ALDH1A1: variants seen among roughly 807,000 people sequenced by gnomAD.
The protein encoded by ALDH1A1 is aldehyde dehydrogenase 1A1.
A neutral mutation model predicts 62.1 loss-of-function variants in ALDH1A1; 19 were observed. The observed-to-expected ratio is 0.31, with a 90% CI of 0.21 to 0.45. The LOEUF (loss-of-function observed/expected upper bound fraction) is 0.45. Among genes scored for constraint, ALDH1A1 ranks in the 20% least tolerant of loss-of-function variants. The pLI is 1.00. For missense variants in ALDH1A1, 521 were observed against 607.1 expected, an observed-to-expected ratio of 0.86 and a Z score of 1.49; for synonymous variants, 231 against 215.9, an observed-to-expected ratio of 1.07 and a Z score of -0.61.
At chr9:72,934,618 C>T (rs187908070) in intron 2 of ALDH1A1, among the ~76,000 whole-genome samples, 3 of 152,258 alleles carry the variant, frequency 2.0e-5, no homozygotes, top group African/African-American at 2.4e-5. Flanking sequence ...TACTCCCTTA[C>T]TTTCTAAATC....
chr9:72,918,775 C>T lies in ALDH1A1; in HGVS notation c.795G>A (p.Arg265=), dbSNP rs780724154. 5.6e-6 allele frequency: 9 copies of T among 1,613,772 alleles called. No individual in the cohort carries two copies. Among genetic ancestry groups the T allele is most frequent in the Non-Finnish European group, 7.6e-6 (9 of 1,179,942 alleles). The change falls in exon 8 of 13, where the codon AGG becomes AGA. Residue 265 remains arginine, a synonymous_variant. Transcript: ENST00000297785. ...TCTTTCCTCCAAGCTCCAGGGTCACCCTCTTCAGATTGCTTTTCCCGGCAG... is the reference window on the plus strand; with the variant it reads ...TCTTTCCTCCAAGCTCCAGGGTCACTCTCTTCAGATTGCTTTTCCCGGCAG... The part of the protein sequence containing the change: ...KEAAGKSNLK[R]VTLELGGKSP...
chr9:72,938,059 A>G (rs1476487176), intron 2 of ALDH1A1, among the ~76,000 whole-genome samples: 1 of 152,122 alleles, frequency 6.6e-6, no homozygotes, highest in East Asian at 1.9e-4. Flanking sequence ...TGGAATAAGT[A>G]TCTGCATGGC....
chr9:72,912,188 C>A, intron 9 of ALDH1A1, 66 bp from the exon 10 acceptor site: 1 of 1,421,464 alleles, frequency 7.0e-7, no homozygotes, highest in African/African-American at 1.4e-5. Flanking sequence ...CATTGCTGGG[C>A]CTGTTAACAA....
chr9:72,902,344 GAA>G (rs983836893), intron 12 of ALDH1A1, among the ~76,000 whole-genome samples: 2 of 152,042 alleles, frequency 1.3e-5, no homozygotes, highest in Admixed American at 6.6e-5. Context: ...TAGGCTTACA[GAA>G]GAATAAGATC....
intron 12 of ALDH1A1, among the ~76,000 whole-genome samples, chr9:72,904,938 G>A (rs1227248455): frequency 1.3e-5 from 2 of 152,116 alleles, no homozygotes; most frequent in Admixed American, 6.5e-5. Context: ...CTTACACATA[G>A]CAAGTGCTTA....
chr9:72,942,131 G>A (rs933925884), intron 1 of ALDH1A1, among the ~76,000 whole-genome samples: 2 of 152,110 alleles, frequency 1.3e-5, no homozygotes, highest in Admixed American at 1.3e-4. Context: ...AAATTCAGAC[G>A]AAAGTGCTGA....
chr9:72,922,393 A>G (rs1051194352), intron 7 of ALDH1A1, among the ~76,000 whole-genome samples: 3 of 152,070 alleles, frequency 2.0e-5, no homozygotes, highest in Admixed American at 2.0e-4. Flanking sequence ...TGCTCCCCCA[A>G]TGTTATAGGG....
intron 7 of ALDH1A1, among the ~76,000 whole-genome samples, chr9:72,921,503 C>CTTTTTTTTTTTTTTTTTAATTT (rs11327072): frequency 9.1e-6 from 1 of 109,506 alleles, no homozygotes; most frequent in Non-Finnish European, 1.8e-5. Flanking sequence ...ACATTTAATT[C>CTTTTTTTTTTTTTTTTTAATTT]TTTTTTTTTT....
chr9:72,908,576 AAAGAAAGAAAG>A (rs1829926497), intron 11 of ALDH1A1, among the ~76,000 whole-genome samples: 1 of 120,924 alleles, frequency 8.3e-6, no homozygotes, highest in South Asian at 3.2e-4. Context: ...AGAAAGAAAG[AAAGAAAGAAAG>A]AAAGAAAGAA....
intron 2 of ALDH1A1, among the ~76,000 whole-genome samples, chr9:72,932,985 C>G (rs1195032329): frequency 1.3e-5 from 2 of 152,194 alleles, no homozygotes; most frequent in African/African-American, 4.8e-5. Context: ...ATAAGTAACT[C>G]TCCCATATGG....
At chr9:72,943,518 C>T (rs62560418) in intron 1 of ALDH1A1, among the ~76,000 whole-genome samples, 3,670 of 152,204 alleles carry the variant, frequency 0.024, 73 homozygotes, top group Non-Finnish European at 0.037. Flanking sequence ...TATCTGGCAG[C>T]CTGCAGGCAA....
chr9:72,937,694 C>T (rs146432777), intron 2 of ALDH1A1, among the ~76,000 whole-genome samples: 11 of 152,160 alleles, frequency 7.2e-5, no homozygotes, highest in Non-Finnish European at 1.2e-4. Context: ...CTGGGCATGA[C>T]GAAGTTGAAA....
chr9:72,950,846 T>C (rs1830536131), intron 1 of ALDH1A1, among the ~76,000 whole-genome samples: 1 of 115,210 alleles, frequency 8.7e-6, no homozygotes, highest in African/African-American at 3.2e-5. Context: ...GAACTTTTTA[T>C]AGTTAATAAC....
chr9:72,949,872 C>T (rs1324362304), intron 1 of ALDH1A1, among the ~76,000 whole-genome samples: 1 of 149,684 alleles, frequency 6.7e-6, no homozygotes, highest in African/African-American at 2.4e-5. Flanking sequence ...AAAGGTAAAA[C>T]AACAGTATTG....
intron 2 of ALDH1A1, among the ~76,000 whole-genome samples, chr9:72,938,955 T>C (rs189432): frequency 0.97 from 147,146 of 151,932 alleles, 71,270 homozygotes; most frequent in Admixed American, 0.98. Flanking sequence ...GTTGGTCAGG[T>C]TGGTCTCAAA....
At chr9:72,944,770 T>C (rs547989175) in intron 1 of ALDH1A1, among the ~76,000 whole-genome samples, 1 of 152,268 alleles carries the variant, frequency 6.6e-6, no homozygotes, top group South Asian at 2.1e-4. Context: ...GTAACCATTA[T>C]ATATTAACTC....
At chr9:72,908,352 T>G (rs2118483569) in intron 11 of ALDH1A1, among the ~76,000 whole-genome samples, 1 of 139,294 alleles carries the variant, frequency 7.2e-6, no homozygotes, top group South Asian at 2.2e-4. Flanking sequence ...GGAGAATCAC[T>G]TGAACCCAGG....
At chr9:72,943,845 T>C (rs1830443928) in intron 1 of ALDH1A1, among the ~76,000 whole-genome samples, 1 of 151,832 alleles carries the variant, frequency 6.6e-6, no homozygotes, top group African/African-American at 2.4e-5. Context: ...TTAAAGACTG[T>C]GGAGCAAAAT....
At chr9:72,933,592 CAAAAAA>C (rs60011646) in intron 2 of ALDH1A1, among the ~76,000 whole-genome samples, 3 of 111,730 alleles carry the variant, frequency 2.7e-5, no homozygotes, top group Non-Finnish European at 3.6e-5. Context: ...CATCTCAAAA[CAAAAAA>C]AAAAAAAAAA....
Sources: gnomAD v4.1 joint callset for allele counts (sites outside exome capture counted in the v4.1 genomes callset) on GRCh38, gnomAD v4.1.1 for gene constraint, MANE v1.5 for transcripts, NCBI Gene and HGNC (gene_info 2026-07-23, HGNC 2026-07-21) for gene names.